ATG10: variants seen among roughly 807,000 people sequenced by gnomAD.
The protein encoded by ATG10 is autophagy related 10.
A neutral mutation model predicts 32.1 loss-of-function variants in ATG10; 30 were observed. The ratio of observed to expected loss-of-function variants is 0.94; its 90% CI spans 0.70 to 1.27. ATG10 has a LOEUF of 1.27. Ranked by LOEUF, ATG10 falls within the 50% of genes most tolerant of loss-of-function variation. ATG10 has a pLI of 0.00. For missense variants in ATG10, 233 were observed against 262.3 expected (o/e 0.89, Z 0.77); for synonymous variants, 87 against 91.5 (o/e 0.95, Z 0.28).
chr5:82,200,979 G>C (rs1052538880), intron 5 of ATG10, among the ~76,000 whole-genome samples: 1 of 151,524 alleles, frequency 6.6e-6, no homozygotes, highest in Non-Finnish European at 1.5e-5. Context: ...CTGCTCCCCG[G>C]GCTCAAGCAA....
At chr5:82,204,102 A>G (rs1345821705) in intron 5 of ATG10, among the ~76,000 whole-genome samples, 1 of 152,244 alleles carries the variant, frequency 6.6e-6, no homozygotes, top group African/African-American at 2.4e-5. Flanking sequence ...GGAGAACACC[A>G]TAAGGGTAAA....
At chr5:81,982,722 G>A (rs982558597) in intron 1 of ATG10, among the ~76,000 whole-genome samples, 1 of 152,170 alleles carries the variant, frequency 6.6e-6, no homozygotes, top group Non-Finnish European at 1.5e-5. Flanking sequence ...CTTCCGCAGT[G>A]TTTGTGTCCC....
chr5:82,151,901 C>T (rs1470955968), intron 3 of ATG10, among the ~76,000 whole-genome samples: 1 of 152,028 alleles, frequency 6.6e-6, no homozygotes, highest in African/African-American at 2.4e-5. Flanking sequence ...CTAAGTACAC[C>T]CAGTGATATA....
At chr5:82,169,310 G>A (rs1483500402) in intron 4 of ATG10, among the ~76,000 whole-genome samples, 2 of 143,730 alleles carry the variant, frequency 1.4e-5, no homozygotes, top group African/African-American at 5.2e-5. Flanking sequence ...AAGGGTGAGA[G>A]TGAAATTTGG....
chr5:82,090,653 T>A (rs1469001738), intron 3 of ATG10, among the ~76,000 whole-genome samples: 1 of 152,178 alleles, frequency 6.6e-6, no homozygotes, highest in Non-Finnish European at 1.5e-5. Context: ...AGTGGGATCC[T>A]TGTGATGGTG....
chr5:82,139,695 C>G (rs1245148894), intron 3 of ATG10, among the ~76,000 whole-genome samples: 2 of 144,988 alleles, frequency 1.4e-5, no homozygotes, highest in Non-Finnish European at 3.1e-5. Flanking sequence ...GCAGCCACCC[C>G]GTCCGGGAGG....
intron 5 of ATG10, among the ~76,000 whole-genome samples, chr5:82,212,998 C>G (rs1472408576): frequency 2.0e-5 from 3 of 152,186 alleles, no homozygotes; most frequent in Non-Finnish European, 4.4e-5. Context: ...TATGGTATCT[C>G]AAACTTTCAG....
intron 1 of ATG10, among the ~76,000 whole-genome samples, chr5:81,985,177 TACTA>T (rs1456118078): frequency 2.0e-5 from 3 of 152,232 alleles, no homozygotes; most frequent in Admixed American, 6.5e-5. Flanking sequence ...TCAGTTTTGT[TACTA>T]AGTAAGAGTT....
At chr5:82,224,354 G>T (rs905216205) in intron 5 of ATG10, among the ~76,000 whole-genome samples, 3 of 152,164 alleles carry the variant, frequency 2.0e-5, no homozygotes, top group African/African-American at 7.2e-5. Flanking sequence ...TAAACCACAT[G>T]CAACATGGGC....
intron 1 of ATG10, among the ~76,000 whole-genome samples, chr5:81,985,255 CTTTGA>C (rs1391399147): frequency 1.3e-5 from 2 of 152,090 alleles, no homozygotes; most frequent in Non-Finnish European, 2.9e-5. Flanking sequence ...GTTAATTTTT[CTTTGA>C]TTTGGTATCT....
chr5:82,000,254 A>G (rs1761809076), intron 2 of ATG10, among the ~76,000 whole-genome samples: 1 of 152,232 alleles, frequency 6.6e-6, no homozygotes, highest in South Asian at 2.1e-4. Flanking sequence ...AGACCTTTTG[A>G]TACAATTCAA....
intron 5 of ATG10, among the ~76,000 whole-genome samples, chr5:82,215,826 T>A (rs532744736): frequency 6.6e-6 from 1 of 151,762 alleles, no homozygotes; most frequent in Admixed American, 6.6e-5. Context: ...TAATCCCAGC[T>A]ACTCGGGAGG....
At chr5:82,024,158 A>C (rs2149708950) in intron 2 of ATG10, among the ~76,000 whole-genome samples, 1 of 152,372 alleles carries the variant, frequency 6.6e-6, no homozygotes, top group Admixed American at 6.5e-5. Flanking sequence ...AAAAAGGATC[A>C]GCTTCTATGC....
At chr5:82,031,132 A>T (rs183963023) in intron 2 of ATG10, among the ~76,000 whole-genome samples, 148 of 152,272 alleles carry the variant, frequency 9.7e-4, no homozygotes, top group Admixed American at 1.5e-3. Context: ...GGTGAGTTTG[A>T]TCTCAACCAA....
intron 1 of ATG10, among the ~76,000 whole-genome samples, chr5:81,982,514 C>T (rs1327360418): frequency 6.6e-5 from 10 of 152,106 alleles, no homozygotes; most frequent in African/African-American, 1.9e-4. Flanking sequence ...CATTTCTAAC[C>T]TACTTACAAC....
intron 3 of ATG10, among the ~76,000 whole-genome samples, chr5:82,121,946 T>G (rs1392871877): frequency 2.0e-5 from 3 of 150,890 alleles, no homozygotes; most frequent in Non-Finnish European, 2.9e-5. Flanking sequence ...CTGAAGTTTT[T>G]TTTTTTTTTT....
Position 82,207,732 on chromosome 5 carries a change from A to T in ATG10, c.453+29145A>T, listed in dbSNP as rs76251346. On this transcript the variant is annotated intron_variant, in intron 5 of 7. Transcript: ENST00000282185. ...AGATCATGAAGACAGTTCATGTCCA[A>T]TGCTGTCCAATAGAACTTTCTGCAA... Among the ~76,000 whole-genome samples, 1,283 of 152,304 alleles carry T rather than the reference A, an allele frequency of 8.4e-3. 20 individuals carry two copies. The highest frequency in any genetic ancestry group is 0.029 in the African/African-American group (1,220 of 41,550).
At chr5:82,007,316 A>G (rs77352075) in intron 2 of ATG10, among the ~76,000 whole-genome samples, 1,804 of 152,348 alleles carry the variant, frequency 0.012, 24 homozygotes, top group African/African-American at 0.042. Context: ...TCTGAAATAC[A>G]TTATTAAACA....
intron 5 of ATG10, among the ~76,000 whole-genome samples, chr5:82,251,311 C>G (rs995460594): frequency 2.0e-5 from 3 of 152,150 alleles, no homozygotes; most frequent in African/African-American, 7.2e-5. Flanking sequence ...GTTCAGCTTC[C>G]CCTTGGGTTG....
Sources: gnomAD v4.1 joint callset for allele counts (sites outside exome capture counted in the v4.1 genomes callset) on GRCh38, gnomAD v4.1.1 for gene constraint, MANE v1.5 for transcripts, NCBI Gene and HGNC (gene_info 2026-07-23, HGNC 2026-07-21) for gene names.